POU2AF3: variants seen among roughly 807,000 people sequenced by gnomAD.
POU2AF3 encodes the protein cancer susceptibility candidate 13.
the POU2AF3 span, chr11:111,298,781 G>A: frequency 8.6e-7 from 1 of 1,165,760 alleles, no homozygotes; most frequent in East Asian, 3.2e-5. Flanking sequence ...GGAGGGCAGA[G>A]GCCCAGAGGC....
At chr11:111,305,559 A>C in the POU2AF3 span, among the ~76,000 whole-genome samples, 1 of 152,318 alleles carries the variant, frequency 6.6e-6, no homozygotes, top group East Asian at 1.9e-4. Flanking sequence ...CTCCCCACTA[A>C]ATGTGTCACC....
the POU2AF3 span, chr11:111,308,202 AC>A: frequency 1.9e-6 from 3 of 1,551,654 alleles, no homozygotes; most frequent in Middle Eastern, 1.7e-4. Context: ...ACCTGTGGCT[AC>A]CCCCCAGAAG....
the POU2AF3 span, among the ~76,000 whole-genome samples, chr11:111,302,180 C>G: frequency 1.3e-5 from 2 of 152,260 alleles, no homozygotes; most frequent in African/African-American, 2.4e-5. Context: ...CATGGCAACG[C>G]TAAAAGTAGG....
chr11:111,306,772 C>T, the POU2AF3 span: 1 of 660,616 alleles, frequency 1.5e-6, no homozygotes, highest in African/African-American at 1.8e-5. Context: ...ATTTAAAAGT[C>T]AATGTATAGA....
chr11:111,299,457 C>T, the POU2AF3 span: 29 of 1,067,682 alleles, frequency 2.7e-5, no homozygotes, highest in Non-Finnish European at 3.2e-5. Context: ...TGCGGCTTTT[C>T]GGGGCCCGGG....
At chr11:111,299,793 G>A in the POU2AF3 span, 2 of 1,109,708 alleles carry the variant, frequency 1.8e-6, no homozygotes, top group South Asian at 4.5e-5. Flanking sequence ...AAGATGGAGC[G>A]CGGAAAAGGC....
At chr11:111,298,836 GCCCT>G in the POU2AF3 span, 3 of 408,784 alleles carry the variant, frequency 7.3e-6, no homozygotes, top group Middle Eastern at 6.4e-4. Flanking sequence ...GCCCCCGCCC[GCCCT>G]CCCACGTATC....
At chr11:111,307,046 C>T in the POU2AF3 span, among the ~76,000 whole-genome samples, 3 of 152,222 alleles carry the variant, frequency 2.0e-5, no homozygotes, top group African/African-American at 7.2e-5. Flanking sequence ...TGGTAACAAA[C>T]TTCATTTCAT....
the POU2AF3 span, chr11:111,299,405 C>T: frequency 4.5e-5 from 45 of 1,007,264 alleles, no homozygotes; most frequent in Middle Eastern, 4.8e-4. Flanking sequence ...GAAAGCTCGC[C>T]CGGCTCGGCT....
At chr11:111,299,049 T>C in the POU2AF3 span, 1 of 989,388 alleles carries the variant, frequency 1.0e-6, no homozygotes, top group Non-Finnish European at 1.2e-6. Context: ...AACGGGGTGG[T>C]GGGGCTGCGG....
chr11:111,308,014 C>A, the POU2AF3 span: 3 of 1,442,598 alleles, frequency 2.1e-6, no homozygotes, highest in Non-Finnish European at 2.7e-6. Flanking sequence ...CTGTTCAGTT[C>A]TTTGATCCTG....
chr11:111,300,494 G>T, the POU2AF3 span: 1 of 1,139,476 alleles, frequency 8.8e-7, no homozygotes, highest in South Asian at 4.5e-5. Context: ...CCAGACCTTG[G>T]ACTCGACCAC....
chr11:111,304,313 TTAAA>T, the POU2AF3 span, among the ~76,000 whole-genome samples: 40,446 of 151,878 alleles, frequency 0.27, 5,649 homozygotes, highest in Admixed American at 0.33. Context: ...ATAGTTGAGA[TTAAA>T]TAAATGTTAG....
At chr11:111,300,510 C>T in the POU2AF3 span, 3 of 1,208,608 alleles carry the variant, frequency 2.5e-6, no homozygotes, top group Non-Finnish European at 3.1e-6. Context: ...ACCACTGACT[C>T]AGTTGCCTTT....
At chr11:111,307,387 T>C in the POU2AF3 span, among the ~76,000 whole-genome samples, 1 of 152,234 alleles carries the variant, frequency 6.6e-6, no homozygotes, top group Non-Finnish European at 1.5e-5. Flanking sequence ...GTCAAAAGTC[T>C]GTGTGGGCAT....
At chr11:111,304,775 A>G in the POU2AF3 span, 5 of 409,254 alleles carry the variant, frequency 1.2e-5, no homozygotes, top group Middle Eastern at 6.3e-4. Flanking sequence ...TTTGTCAAAC[A>G]TTGAAAAAAA....
the POU2AF3 span, chr11:111,308,290 C>G: frequency 3.0e-5 from 46 of 1,551,646 alleles, no homozygotes; most frequent in Admixed American, 7.8e-5. Flanking sequence ...TCTGCTACTG[C>G]GCATCGTGTG....
At chr11:111,303,061 G>A in the POU2AF3 span, among the ~76,000 whole-genome samples, 8 of 152,198 alleles carry the variant, frequency 5.3e-5, no homozygotes, top group Non-Finnish European at 1.0e-4. Context: ...AGTCAGTGTA[G>A]TATCCACAAT....
the POU2AF3 span, among the ~76,000 whole-genome samples, chr11:111,307,909 A>C: frequency 2.0e-5 from 3 of 151,866 alleles, no homozygotes; most frequent in African/African-American, 7.3e-5. Flanking sequence ...TGTAGTCAGC[A>C]AATAAAATTA....
Sources: allele counts gnomAD v4.1 joint callset (sites outside exome capture counted in the v4.1 genomes callset), GRCh38; gene constraint gnomAD v4.1.1; transcripts MANE v1.5; gene names NCBI Gene and HGNC (gene_info 2026-07-23, HGNC 2026-07-21).